The following ABCG2 variants were observed in gnomAD, a reference collection of about 807,000 sequenced individuals.
ABCG2 encodes the protein ATP binding cassette subfamily G member 2 (JR blood group).
In ABCG2, 80 loss-of-function variants were observed where a neutral mutation model predicts 73.5. That is an observed-to-expected ratio of 1.09 (90% confidence interval 0.91 to 1.31). The LOEUF is 1.31. Among genes scored for constraint, ABCG2 ranks in the 50% most tolerant of loss-of-function variants. The pLI is 0.00. For missense variants in ABCG2, 796 were observed against 786.2 expected (o/e 1.01, Z -0.15); for synonymous variants, 269 against 282.4 (o/e 0.95, Z 0.48).
intron 12 of ABCG2, 66 bp downstream of exon 12, chr4:88,099,258 G>T: frequency 1.4e-6 from 2 of 1,427,272 alleles, no homozygotes; most frequent in Admixed American, 2.5e-5. Context: ...TGCTTGCAAG[G>T]TGCAACTGAC....
upstream of ABCG2, chr4:88,159,307 C>A: frequency 2.3e-6 from 1 of 435,438 alleles, no homozygotes; most frequent in Admixed American, 2.5e-5. Context: ...TGCTCGCACC[C>A]AGAGCAAGTT....
At chr4:88,137,705 A>G (rs558388668) in intron 2 of ABCG2, among the ~76,000 whole-genome samples, 7 of 152,302 alleles carry the variant, frequency 4.6e-5, no homozygotes, top group Admixed American at 3.9e-4. Flanking sequence ...AAAGGAGTTA[A>G]GGAGAAGGAA....
At chr4:88,173,898 C>CA (rs1191299875) in intron 1 of ABCG2, among the ~76,000 whole-genome samples, 1 of 152,130 alleles carries the variant, frequency 6.6e-6, no homozygotes, top group East Asian at 1.9e-4. Flanking sequence ...ATTTTCAAAT[C>CA]AAAATCCAAA....
At chr4:88,224,950 T>C (rs1730148901) in intron 1 of ABCG2, among the ~76,000 whole-genome samples, 1 of 152,346 alleles carries the variant, frequency 6.6e-6, no homozygotes, top group African/African-American at 2.4e-5. Context: ...ACTGTCCTTT[T>C]CCCATTGAAT....
intron 1 of ABCG2, among the ~76,000 whole-genome samples, chr4:88,172,826 GC>G (rs1727808709): frequency 6.6e-6 from 1 of 152,000 alleles, no homozygotes; most frequent in South Asian, 2.1e-4. Flanking sequence ...CCCATTCTGA[GC>G]TCCAGACAGT....
At chr4:88,219,747 A>ATTTT (rs5860123) in intron 1 of ABCG2, among the ~76,000 whole-genome samples, 149 of 135,064 alleles carry the variant, frequency 1.1e-3, no homozygotes, top group African/African-American at 3.8e-3. Context: ...ACGCCTGGCT[A>ATTTT]TTTTTTTTTT....
rs781435450 is a variant in ABCG2, at chr4:88,115,019, A to G, written c.881T>C (p.Phe294Ser). Residue 294 changes from phenylalanine to serine, a missense_variant, in exon 8 of 16, where the codon TTC becomes TCC. Physicochemically the swap from Phe to Ser is radical, Grantham distance 155. Coordinates refer to ENST00000237612, the MANE Select transcript of ABCG2 (RefSeq NM_004827.3). The stretch of plus-strand genomic sequence containing the variant: ...GGAATCTCCATTAATGATGTCCAAG[A>G]AGAAGTCTGCAGGGTTATTATAGGC... ...CEAYNNPADF[F>S]LDIINGDSTA... 7 of 1,613,348 alleles carry G rather than the reference A, an allele frequency of 4.3e-6. No individual in the cohort carries two copies. Among genetic ancestry groups the G allele is most frequent in the Non-Finnish European group, 5.9e-6 (7 of 1,179,604 alleles).
intron 1 of ABCG2, among the ~76,000 whole-genome samples, chr4:88,221,664 T>C (rs1312114064): frequency 6.6e-6 from 1 of 152,144 alleles, no homozygotes; most frequent in Non-Finnish European, 1.5e-5. Flanking sequence ...GGAGTAAAGG[T>C]CACTCTTGCT....
chr4:88,143,160 T>C (rs1011976102), intron 1 of ABCG2, among the ~76,000 whole-genome samples: 2 of 152,216 alleles, frequency 1.3e-5, no homozygotes, highest in Non-Finnish European at 2.9e-5. Flanking sequence ...TGCCATGTTA[T>C]ATCAGGAACT....
chr4:88,140,255 G>T (rs1238500521), intron 1 of ABCG2, among the ~76,000 whole-genome samples: 1 of 152,068 alleles, frequency 6.6e-6, no homozygotes, highest in African/African-American at 2.4e-5. Context: ...AAGTAAATGG[G>T]TCCTAATAAG....
intron 5 of ABCG2, among the ~76,000 whole-genome samples, chr4:88,129,448 T>C (rs756753587): frequency 6.6e-6 from 1 of 152,212 alleles, no homozygotes; most frequent in African/African-American, 2.4e-5. Flanking sequence ...CTTCACAGTC[T>C]ATTTTCCCTA....
chr4:88,161,218 T>C (rs1324166544), upstream of ABCG2, among the ~76,000 whole-genome samples: 4 of 139,134 alleles, frequency 2.9e-5, no homozygotes, highest in Non-Finnish European at 6.2e-5. Flanking sequence ...ATGTGCACAT[T>C]GTGCAGGTTA....
In ABCG2 at chr4:88,142,942, C is replaced by T. The variant is rs180908334; in HGVS notation, c.-19-2928G>A. On this transcript the variant is annotated intron_variant, in intron 1 of 15. Transcript: ENST00000237612. ...TAGCCTGGGTAACAGAGTAATACCC[C>T]ATCTCAAAAAAATTAATATTTAAAA... Among the ~76,000 whole-genome samples, 216 of 152,044 alleles carry T rather than the reference C, an allele frequency of 1.4e-3. 1 individual carries two copies. The highest frequency in any genetic ancestry group is 4.9e-3 in the African/African-American group (203 of 41,466).
chr4:88,127,259 G>C (rs1245898789), intron 5 of ABCG2, among the ~76,000 whole-genome samples: 2 of 151,834 alleles, frequency 1.3e-5, no homozygotes, highest in African/African-American at 4.8e-5. Context: ...AACCACAAAG[G>C]AAATAAGAGA....
intron 1 of ABCG2, among the ~76,000 whole-genome samples, chr4:88,165,728 A>G (rs1245843659): frequency 6.6e-6 from 1 of 152,100 alleles, no homozygotes; most frequent in Non-Finnish European, 1.5e-5. Context: ...ACAAAAATTA[A>G]GCGGGCATGG....
chr4:88,202,500 C>T (rs1441667798), intron 1 of ABCG2, among the ~76,000 whole-genome samples: 1 of 150,712 alleles, frequency 6.6e-6, no homozygotes, highest in Non-Finnish European at 1.5e-5. Context: ...GAATTTATTG[C>T]GTGAAAAGGA....
Position 88,230,490 on chromosome 4 carries a change from G to A in ABCG2, c.-20+504C>T, listed in dbSNP as rs555214361. Among the ~76,000 whole-genome samples, 9 of 151,910 alleles carry A rather than the reference G, an allele frequency of 5.9e-5. 2 individuals are homozygous for A. The South Asian group carries it at 1.7e-3, about 28-fold the overall frequency. ...AAATTACAAAAGGATTTCTGGCTCT[G>A]CTCCAAGTGGCCTATATAATCTAAG... On this transcript the variant is annotated intron_variant, in intron 1 of 15. Transcript: ENST00000515655.
chr4:88,121,593 G>A, intron 6 of ABCG2, 42 bp downstream of exon 6: 1 of 1,580,890 alleles, frequency 6.3e-7, no homozygotes, highest in Non-Finnish European at 8.6e-7. Context: ...ACATAGTAGT[G>A]ATAAGATATT....
At chr4:88,221,392 C>A (rs1199126351) in intron 1 of ABCG2, among the ~76,000 whole-genome samples, 1 of 151,944 alleles carries the variant, frequency 6.6e-6, no homozygotes, top group East Asian at 1.9e-4. Context: ...ATAAGGATAC[C>A]CAAAAATGTA....
Sources: allele counts gnomAD v4.1 joint callset (sites outside exome capture counted in the v4.1 genomes callset), GRCh38; gene constraint gnomAD v4.1.1; transcripts MANE v1.5; gene names NCBI Gene and HGNC (gene_info 2026-07-23, HGNC 2026-07-21).